MACROD2: variants seen among roughly 807,000 people sequenced by gnomAD.
MACROD2 encodes the protein mono-ADP ribosylhydrolase 2, also known as ADP-ribose glycohydrolase MACROD2.
Under a neutral mutation model 70.4 loss-of-function variants are expected in MACROD2, and 36 were observed. That is an observed-to-expected ratio of 0.51 (90% CI 0.39 to 0.68). MACROD2 has a LOEUF of 0.68. Among genes scored for constraint, MACROD2 ranks in the 30% least tolerant of loss-of-function variants. The probability of loss-of-function intolerance (pLI) is 0.00; values close to 1 mark genes in which losing one functional copy is unlikely to be tolerated. For missense variants in MACROD2, 496 were observed against 538.4 expected (o/e 0.92, Z 0.78); for synonymous variants, 172 against 178.8 (o/e 0.96, Z 0.30).
At chr20:14,496,903 C>A (rs1045592832) in intron 4 of MACROD2, among the ~76,000 whole-genome samples, 1 of 151,610 alleles carries the variant, frequency 6.6e-6, no homozygotes, top group African/African-American at 2.4e-5. Flanking sequence ...ACCAACAGTA[C>A]CCTGTATATT....
At chr20:14,538,440 G>T (rs948071246) in intron 4 of MACROD2, among the ~76,000 whole-genome samples, 2 of 152,136 alleles carry the variant, frequency 1.3e-5, no homozygotes, top group Admixed American at 6.5e-5. Context: ...CATCTGAAAT[G>T]ATATTTAAAA....
chr20:14,082,808 G>T lies in MACROD2; in HGVS notation c.164-2813G>T, dbSNP rs144253726. On this transcript the variant is annotated intron_variant, in intron 2 of 17. Transcript: ENST00000684519. ...TTCACAATAGTCTAAATATCCATTT[G>T]TCTCTGACAAAGCCACCAAATGTTT... Among the ~76,000 whole-genome samples the T allele has an allele frequency of 3.3e-3, 501 of 152,112 alleles. 1 individual carries two copies. The highest frequency in any genetic ancestry group is 0.011 in the African/African-American group (443 of 41,494).
chr20:15,513,838 ATTT>A, intron 8 of MACROD2, among the ~76,000 whole-genome samples: 1 of 152,302 alleles, frequency 6.6e-6, no homozygotes, highest in South Asian at 2.1e-4. Context: ...ACATAATGAC[ATTT>A]TTTGTCAACA....
chr20:14,259,329 G>C (rs1293442263), intron 3 of MACROD2, among the ~76,000 whole-genome samples: 1 of 152,068 alleles, frequency 6.6e-6, no homozygotes, highest in East Asian at 1.9e-4. Context: ...TATAAACTTA[G>C]GGTGCTAAAA....
At chr20:14,059,484 G>A (rs929682415) in intron 2 of MACROD2, among the ~76,000 whole-genome samples, 6 of 152,188 alleles carry the variant, frequency 3.9e-5, no homozygotes, top group Admixed American at 3.9e-4. Flanking sequence ...ATGGGAATAA[G>A]TAGGGTGAAG....
In MACROD2 at chr20:15,707,652, G is replaced by A. The variant is rs569235619; in HGVS notation, c.646-155093G>A. Among the ~76,000 whole-genome samples the A allele has an allele frequency of 3.2e-4, 48 of 152,050 alleles. 2 individuals carry two copies. The South Asian group carries it at 7.5e-3, about 24-fold the overall frequency. ...ACAAAAATTAGCTGAGCGTGGTGGC[G>A]GGTGCCTGTAGTCCGAGCTGTTTGG... On this transcript the variant is annotated intron_variant, in intron 8 of 17. Transcript: ENST00000684519.
At chr20:15,957,767 C>A (rs1462834444) in intron 12 of MACROD2, among the ~76,000 whole-genome samples, 1 of 152,108 alleles carries the variant, frequency 6.6e-6, no homozygotes, top group Non-Finnish European at 1.5e-5. Context: ...CCCCTTATAT[C>A]TCCCAACACG....
Position 14,582,642 on chromosome 20 carries a change from G to A in MACROD2, c.301+89134G>A, listed in dbSNP as rs373114444. Among the ~76,000 whole-genome samples, 15 of 152,226 alleles carry A rather than the reference G, an allele frequency of 9.9e-5. No individual in the cohort carries two copies. In the South Asian group the frequency reaches 3.1e-3, roughly 32 times the overall value. ...GTGATACACTTGGTGTAGTGGAAAG[G>A]CAAGCACTTTACAGTTAGGGTCCCA... On this transcript the variant is annotated intron_variant, in intron 4 of 17. Coordinates refer to ENST00000684519, the MANE Select transcript of MACROD2 (RefSeq NM_001351661.2).
At chr20:15,309,859 C>T (rs376661534) in intron 6 of MACROD2, among the ~76,000 whole-genome samples, 6 of 152,098 alleles carry the variant, frequency 3.9e-5, no homozygotes, top group South Asian at 2.1e-4. Context: ...GAATAAGAAG[C>T]GAATAAAGAT....
chr20:15,919,593 G>A (rs2065371005), intron 10 of MACROD2, among the ~76,000 whole-genome samples: 2 of 152,120 alleles, frequency 1.3e-5, no homozygotes, highest in South Asian at 4.1e-4. Flanking sequence ...GAAATTAGCG[G>A]GTGTGGTGGT....
intron 3 of MACROD2, among the ~76,000 whole-genome samples, chr20:14,312,132 C>G (rs1239944297): frequency 6.6e-6 from 1 of 152,120 alleles, no homozygotes; most frequent in South Asian, 2.1e-4. Context: ...ACAGCTTCAA[C>G]TGACTCAGGG....
rs142455385 is a variant in MACROD2 at position 15,639,800 on chromosome 20, G to C, written c.645+139953G>C. ...TTGGGATATAGACCATGAGAAAAGA[G>C]AGTGGGGGGAAAGAGAAAAGGAAAG... is the stretch of plus-strand genomic sequence containing the variant. On this transcript the variant is annotated intron_variant, in intron 8 of 17. Coordinates refer to ENST00000684519, the MANE Select transcript of MACROD2 (RefSeq NM_001351661.2). Among the ~76,000 whole-genome samples the C allele has an allele frequency of 7.6e-3, 1,158 of 152,240 alleles. 6 individuals carry two copies. Among genetic ancestry groups the C allele is most frequent in the Middle Eastern group, 0.02 (6 of 294 alleles).
chr20:14,011,190 C>T (rs1427281274), intron 2 of MACROD2, among the ~76,000 whole-genome samples: 1 of 152,094 alleles, frequency 6.6e-6, no homozygotes. Context: ...TGTACAACCT[C>T]AAAATAACTT....
intron 15 of MACROD2, among the ~76,000 whole-genome samples, chr20:15,987,473 G>A (rs1397119087): frequency 6.6e-6 from 1 of 152,128 alleles, no homozygotes; most frequent in African/African-American, 2.4e-5. Context: ...GAGGGATAAA[G>A]TTCATACAAA....
At chr20:14,527,278 G>A (rs1377315041) in intron 4 of MACROD2, among the ~76,000 whole-genome samples, 1 of 151,988 alleles carries the variant, frequency 6.6e-6, no homozygotes, top group Non-Finnish European at 1.5e-5. Context: ...GCAGGTTTTC[G>A]TAGGCACACG....
chr20:15,529,067 C>T (rs1260955425), intron 8 of MACROD2, among the ~76,000 whole-genome samples: 2 of 152,092 alleles, frequency 1.3e-5, no homozygotes, highest in Admixed American at 6.5e-5. Context: ...ATTGGGAGGC[C>T]TGAGTCAGTA....
At chr20:15,996,189 T>G (rs1224972757) in intron 15 of MACROD2, among the ~76,000 whole-genome samples, 1 of 152,212 alleles carries the variant, frequency 6.6e-6, no homozygotes, top group Non-Finnish European at 1.5e-5. Flanking sequence ...GCCTTTTTAA[T>G]GAAACTCTCC....
intron 5 of MACROD2, among the ~76,000 whole-genome samples, chr20:15,084,721 A>G (rs1428826639): frequency 1.3e-5 from 2 of 152,182 alleles, no homozygotes; most frequent in African/African-American, 4.8e-5. Flanking sequence ...TCTTTTAAGC[A>G]TACATTCAGT....
At chr20:14,757,679 T>TCATAAAGG in intron 5 of MACROD2, 1 of 1,383,416 alleles carries the variant, frequency 7.2e-7, no homozygotes, top group East Asian at 2.3e-5. Context: ...CAAGAATGTG[T>TCATAAAGG]CCAACCTTCC....
Sources: gnomAD v4.1 joint callset for allele counts (sites outside exome capture counted in the v4.1 genomes callset) on GRCh38, gnomAD v4.1.1 for gene constraint, MANE v1.5 for transcripts, NCBI Gene and HGNC (gene_info 2026-07-23, HGNC 2026-07-21) for gene names.